The following MYO1H variants were observed in gnomAD, a reference collection of about 807,000 sequenced individuals.
The protein encoded by MYO1H is myosin IH.
MYO1H carries 118 observed loss-of-function variants against 149.3 expected under a neutral mutation model. The ratio of observed to expected loss-of-function variants is 0.79; its 90% CI spans 0.68 to 0.92. The LOEUF (loss-of-function observed/expected upper bound fraction) is 0.92, where lower values mean the gene tolerates loss of function less well. Among genes scored for constraint, MYO1H ranks in the 40% least tolerant of loss-of-function variants. MYO1H has a pLI of 0.00. For missense variants in MYO1H, 1,212 were observed against 1,280.7 expected (o/e 0.95, Z 0.82); for synonymous variants, 447 against 465.2 (o/e 0.96, Z 0.50).
the MYO1H span, among the ~76,000 whole-genome samples, chr12:109,318,972 G>GTTTTTGTTTTTTTTTTTTTTT: frequency 2.6e-5 from 2 of 77,258 alleles, no homozygotes; most frequent in African/African-American, 9.4e-5. Context: ...TTTTGGTTTT[G>GTTTTTGTTTTTTTTTTTTTTT]TTTTTTTTTT....
At chr12:109,438,128 T>C (rs1024551876) in intron 22 of MYO1H, among the ~76,000 whole-genome samples, 1 of 144,270 alleles carries the variant, frequency 6.9e-6, no homozygotes, top group Admixed American at 6.8e-5. Flanking sequence ...AGCCAGAACC[T>C]AAGTTTTATA....
chr12:109,420,903 C>A, intron 15 of MYO1H, 78 bp from the exon 16 acceptor site: 1 of 786,200 alleles, frequency 1.3e-6, no homozygotes, highest in Non-Finnish European at 2.2e-6. Context: ...CAGAATTTCC[C>A]TTTGCAATGA....
chr12:109,424,849 T>A, intron 17 of MYO1H, 21 bp downstream of exon 17: 1 of 1,606,098 alleles, frequency 6.2e-7, no homozygotes, highest in South Asian at 1.1e-5. Flanking sequence ...AAAACACCCA[T>A]GCAAAATTGG....
chr12:109,340,406 T>C, the MYO1H span, among the ~76,000 whole-genome samples: 1 of 152,176 alleles, frequency 6.6e-6, no homozygotes, highest in South Asian at 2.1e-4. Context: ...TGACCTTAGG[T>C]GATCCACCTG....
At chr12:109,328,784 A>T in the MYO1H span, among the ~76,000 whole-genome samples, 4 of 151,832 alleles carry the variant, frequency 2.6e-5, no homozygotes, top group African/African-American at 9.7e-5. Context: ...GCTGTATTTG[A>T]GGTATTATTG....
chr12:109,406,690 C>A, intron 8 of MYO1H, 99 bp from the exon 9 acceptor site: 1 of 1,129,152 alleles, frequency 8.9e-7, no homozygotes, highest in Admixed American at 1.9e-5. Flanking sequence ...CACCACATTC[C>A]CACCTGGGTA....
intron 19 of MYO1H, among the ~76,000 whole-genome samples, chr12:109,430,330 A>G (rs1311160843): frequency 6.6e-6 from 1 of 152,172 alleles, no homozygotes; most frequent in Non-Finnish European, 1.5e-5. Flanking sequence ...GAGCAACCAT[A>G]TCATAGAGTT....
At chr12:109,377,603 T>C (rs978986704) in intron 1 of MYO1H, among the ~76,000 whole-genome samples, 2 of 152,228 alleles carry the variant, frequency 1.3e-5, no homozygotes, top group Non-Finnish European at 2.9e-5. Context: ...CCAAAGCATT[T>C]GGCAACCACC....
At chr12:109,340,338 T>G in the MYO1H span, among the ~76,000 whole-genome samples, 1 of 152,008 alleles carries the variant, frequency 6.6e-6, no homozygotes, top group Admixed American at 6.6e-5. Flanking sequence ...CCGGCTAATT[T>G]TTGTATTTTT....
Position 109,406,089 on chromosome 12 carries a change from A to AGC in MYO1H, c.963+56_963+57dup. On this transcript the variant is annotated intron_variant, in intron 8 of 31. Transcript: ENST00000310903. ...AGGAGGGGGATGGGTGGGAGAGAAG[A>AGC]GCGAGGTAGCTGGGTGCCCACAGTT... The AGC allele has an allele frequency of 3.8e-6, 5 of 1,329,472 alleles. No individual in the cohort carries two copies. In the Admixed American group the frequency reaches 9.3e-5, roughly 25 times the overall value. 82.4% of individuals were successfully genotyped at this position (1,329,472 alleles called of 1,614,324 possible).
chr12:109,432,108 T>C (rs1871650963), intron 19 of MYO1H, among the ~76,000 whole-genome samples: 1 of 149,518 alleles, frequency 6.7e-6, no homozygotes, highest in Non-Finnish European at 1.5e-5. Context: ...TTCACACTAT[T>C]CTCCTTCCTC....
the MYO1H span, among the ~76,000 whole-genome samples, chr12:109,326,667 A>G: frequency 1.1e-4 from 17 of 151,874 alleles, no homozygotes; most frequent in South Asian, 4.2e-4. Context: ...GATTACAGGC[A>G]TGTCACCATC....
intron 22 of MYO1H, among the ~76,000 whole-genome samples, chr12:109,437,469 A>G (rs1445485583): frequency 6.6e-6 from 1 of 152,232 alleles, no homozygotes; most frequent in Admixed American, 6.5e-5. Flanking sequence ...GTATTCCACT[A>G]TAGCAGCAGA....
At chr12:109,361,894 G>C (rs1271441377) in intron 1 of MYO1H, among the ~76,000 whole-genome samples, 1 of 144,136 alleles carries the variant, frequency 6.9e-6, no homozygotes, top group African/African-American at 2.6e-5. Flanking sequence ...CTATTACATA[G>C]AACAAGATGA....
chr12:109,343,435 C>A (rs770773101), upstream of MYO1H, among the ~76,000 whole-genome samples: 12 of 152,136 alleles, frequency 7.9e-5, no homozygotes, highest in Non-Finnish European at 2.9e-5. Context: ...CAAAAAAATT[C>A]TTTTTAGGGA....
chr12:109,381,559 C>G (rs1244481893), intron 1 of MYO1H, among the ~76,000 whole-genome samples: 1 of 152,154 alleles, frequency 6.6e-6, no homozygotes, highest in Non-Finnish European at 1.5e-5. Context: ...AGTCCCAGCA[C>G]TTTGGGAGGC....
intron 2 of MYO1H, among the ~76,000 whole-genome samples, chr12:109,392,272 A>G (rs556617976): frequency 7.9e-5 from 12 of 152,280 alleles, no homozygotes; most frequent in African/African-American, 2.6e-4. Flanking sequence ...CTCTCTTGCT[A>G]GTCTCCATTC....
chr12:109,434,184 A>G (rs949624693), intron 20 of MYO1H, among the ~76,000 whole-genome samples: 5 of 151,898 alleles, frequency 3.3e-5, no homozygotes, highest in African/African-American at 1.2e-4. Context: ...TAATTTTTGT[A>G]TTTTTAGTAG....
At chr12:109,407,530 G>A (rs1870444365) in intron 9 of MYO1H, among the ~76,000 whole-genome samples, 1 of 150,570 alleles carries the variant, frequency 6.6e-6, no homozygotes, top group African/African-American at 2.4e-5. Flanking sequence ...TTAGGAGGCT[G>A]CAGTGGGAGG....
Sources: gnomAD v4.1 joint callset for allele counts (sites outside exome capture counted in the v4.1 genomes callset) on GRCh38, gnomAD v4.1.1 for gene constraint, MANE v1.5 for transcripts, NCBI Gene and HGNC (gene_info 2026-07-23, HGNC 2026-07-21) for gene names.